Variants in KCNH8 observed in about 807,000 individuals in gnomAD.
KCNH8 encodes voltage-gated delayed rectifier potassium channel KCNH8.
A neutral mutation model predicts 103.6 loss-of-function variants in KCNH8; 70 were observed. The observed-to-expected ratio is 0.68, with a 90% CI of 0.56 to 0.82. The LOEUF is 0.82. Ranked by LOEUF, KCNH8 falls within the 40% of genes least tolerant of loss-of-function variation. KCNH8 has a pLI of 0.00. For missense variants in KCNH8, 1,217 were observed against 1,329.9 expected (o/e 0.92, Z 1.32); for synonymous variants, 498 against 489.4 (o/e 1.02, Z -0.23).
chr3:19,534,939 A>C lies in KCNH8; in HGVS notation c.*840A>C. On this transcript the variant is annotated 3_prime_UTR_variant, in exon 16 of 16. Coordinates refer to ENST00000328405, the MANE Select transcript of KCNH8 (RefSeq NM_144633.3). ...TGGATTATAAAAGAAAAGTGAAGTC[A>C]TATTTTGTTAATGAAATAAAAACAT... is the stretch of plus-strand genomic sequence containing the variant. The C allele has an allele frequency of 6.6e-6, 1 of 152,192 alleles. No homozygotes were observed. Among genetic ancestry groups the C allele is most frequent in the Non-Finnish European group, 1.5e-5 (1 of 68,042 alleles). The allele number at this position is 152,192 out of a possible 1,614,324, so 9.4% of individuals were successfully genotyped here. A position where few individuals can be genotyped will look rare whatever the true frequency, so the allele number is the denominator to read the frequency against.
chr3:19,388,638 A>T lies in KCNH8; in HGVS notation c.812-1843A>T, dbSNP rs138415256. On this transcript the variant is annotated intron_variant, in intron 5 of 15. Coordinates refer to ENST00000328405, the MANE Select transcript of KCNH8 (RefSeq NM_144633.3). Reference sequence around the variant, plus strand: ...GATATTTTTATTTTTTGACAAAAATATCACTTTCAATAATTCAGTTTTTAA... The same window carrying T: ...GATATTTTTATTTTTTGACAAAAATTTCACTTTCAATAATTCAGTTTTTAA... 2.0e-5 allele frequency among the ~76,000 whole-genome samples: 3 copies of T among 152,298 alleles called. No homozygotes were observed. In the East Asian group the frequency reaches 5.8e-4, roughly 29 times the overall value.
intron 5 of KCNH8, among the ~76,000 whole-genome samples, chr3:19,382,526 T>C (rs2066301798): frequency 6.6e-6 from 1 of 152,210 alleles, no homozygotes; most frequent in Non-Finnish European, 1.5e-5. Flanking sequence ...CATTATTTTG[T>C]TGTCACTTTA....
chr3:19,266,381 G>A (rs2064511015), intron 2 of KCNH8, among the ~76,000 whole-genome samples: 1 of 151,990 alleles, frequency 6.6e-6, no homozygotes, highest in Non-Finnish European at 1.5e-5. Context: ...TGTTCCCCCT[G>A]CCAGGAATGC....
At chr3:19,466,724 C>T (rs2125197573) in intron 11 of KCNH8, among the ~76,000 whole-genome samples, 1 of 129,176 alleles carries the variant, frequency 7.7e-6, no homozygotes, top group South Asian at 2.6e-4. Context: ...AGTGCAATGA[C>T]ACGATCTCAG....
At chr3:19,324,400 A>G (rs994760713) in intron 3 of KCNH8, among the ~76,000 whole-genome samples, 4 of 152,152 alleles carry the variant, frequency 2.6e-5, no homozygotes, top group African/African-American at 9.7e-5. Context: ...AACACTTACA[A>G]AACCATCAGA....
intron 5 of KCNH8, among the ~76,000 whole-genome samples, chr3:19,363,137 G>A (rs1034812643): frequency 6.6e-6 from 1 of 152,106 alleles, no homozygotes; most frequent in African/African-American, 2.4e-5. Context: ...AGGTACTTAT[G>A]CAGACTTGGC....
At chr3:19,358,191 TCC>T (rs1458179772) in intron 5 of KCNH8, among the ~76,000 whole-genome samples, 2 of 151,010 alleles carry the variant, frequency 1.3e-5, no homozygotes, top group African/African-American at 4.9e-5. Flanking sequence ...CTTCCTTCCT[TCC>T]TTCTTTTTTC....
intron 1 of KCNH8, among the ~76,000 whole-genome samples, chr3:19,163,854 T>A (rs1044002128): frequency 6.6e-6 from 1 of 152,228 alleles, no homozygotes; most frequent in African/African-American, 2.4e-5. Flanking sequence ...CTATTTTCTC[T>A]TCTTTATAAC....
intron 6 of KCNH8, chr3:19,391,609 G>A (rs1243259013): frequency 6.6e-6 from 1 of 152,036 alleles, no homozygotes; most frequent in Non-Finnish European, 1.5e-5. Flanking sequence ...ATATGGAATT[G>A]TGATCCTGAC....
intron 3 of KCNH8, among the ~76,000 whole-genome samples, chr3:19,308,679 T>C (rs1358153545): frequency 1.1e-4 from 6 of 56,734 alleles, no homozygotes; most frequent in African/African-American, 1.9e-4. Context: ...TCTCTCTCTC[T>C]CTCTCTCTCT....
At chr3:19,183,549 G>A (rs1379323690) in intron 1 of KCNH8, among the ~76,000 whole-genome samples, 2 of 152,092 alleles carry the variant, frequency 1.3e-5, no homozygotes, top group Non-Finnish European at 2.9e-5. Flanking sequence ...ATTCTAAGTG[G>A]ACTAAAGGCT....
intron 1 of KCNH8, among the ~76,000 whole-genome samples, chr3:19,205,631 A>C (rs1480957741): frequency 6.6e-6 from 1 of 151,968 alleles, no homozygotes; most frequent in Non-Finnish European, 1.5e-5. Context: ...AATACATAGA[A>C]GTGGCATCCA....
At chr3:19,363,857 A>G (rs148317709) in intron 5 of KCNH8, among the ~76,000 whole-genome samples, 173 of 152,280 alleles carry the variant, frequency 1.1e-3, no homozygotes, top group Admixed American at 2.4e-3. Context: ...TGAAAACTGC[A>G]AAGATGTCAT....
intron 5 of KCNH8, among the ~76,000 whole-genome samples, chr3:19,350,768 G>C (rs528371898): frequency 6.6e-6 from 1 of 152,214 alleles, no homozygotes; most frequent in East Asian, 1.9e-4. Context: ...AAAACACAAA[G>C]ATGGGGAGAA....
chr3:19,512,617 G>C (rs1051946157), intron 12 of KCNH8, among the ~76,000 whole-genome samples: 2 of 152,080 alleles, frequency 1.3e-5, no homozygotes, highest in African/African-American at 4.8e-5. Flanking sequence ...ATTTCTAAGA[G>C]CATGCCATCA....
At chr3:19,340,205 A>T (rs1321843458) in intron 3 of KCNH8, among the ~76,000 whole-genome samples, 2 of 152,150 alleles carry the variant, frequency 1.3e-5, no homozygotes, top group African/African-American at 4.8e-5. Flanking sequence ...ATAGCAACTA[A>T]ACCAAATTAT....
chr3:19,432,076 A>C (rs1399482806), intron 7 of KCNH8, among the ~76,000 whole-genome samples: 1 of 152,052 alleles, frequency 6.6e-6, no homozygotes, highest in Non-Finnish European at 1.5e-5. Flanking sequence ...TTTCAATACA[A>C]AGCTAAGGTA....
chr3:19,241,124 T>A (rs1575461855), intron 1 of KCNH8, among the ~76,000 whole-genome samples: 2 of 152,318 alleles, frequency 1.3e-5, no homozygotes, highest in South Asian at 4.1e-4. Flanking sequence ...TTTGTCTGTT[T>A]GCGTTTGTCT....
intron 1 of KCNH8, among the ~76,000 whole-genome samples, chr3:19,222,276 T>C (rs1428010460): frequency 3.3e-5 from 5 of 152,200 alleles, no homozygotes; most frequent in Non-Finnish European, 7.3e-5. Flanking sequence ...CCCTTCTACA[T>C]AAAACATATT....
Sources: gnomAD v4.1 joint callset for allele counts (sites outside exome capture counted in the v4.1 genomes callset) on GRCh38, gnomAD v4.1.1 for gene constraint, MANE v1.5 for transcripts, NCBI Gene and HGNC (gene_info 2026-07-23, HGNC 2026-07-21) for gene names.